The following FBXL5 variants were observed in gnomAD, a reference collection of about 807,000 sequenced individuals.
The protein encoded by FBXL5 is F-box/LRR-repeat protein 5.
Under a neutral mutation model 78.3 loss-of-function variants are expected in FBXL5, and 26 were observed. That is an observed-to-expected ratio of 0.33 (90% CI 0.24 to 0.46). The LOEUF is 0.46. FBXL5 is among the 20% of genes least tolerant of loss of function. The pLI, the probability that FBXL5 is intolerant of heterozygous loss-of-function variation, is 1.00. For missense variants in FBXL5, 710 were observed against 829.2 expected, an observed-to-expected ratio of 0.86 and a Z score of 1.77; for synonymous variants, 295 against 282.5, an observed-to-expected ratio of 1.04 and a Z score of -0.45.
intron 10 of FBXL5, among the ~76,000 whole-genome samples, chr4:15,608,636 T>C (rs575779096): frequency 2.0e-5 from 3 of 151,776 alleles, no homozygotes; most frequent in Admixed American, 6.6e-5. Flanking sequence ...TTCACCAGAA[T>C]TGAGTTTCAG....
chr4:15,654,139 T>C (rs1221217762), intron 1 of FBXL5, among the ~76,000 whole-genome samples: 1 of 152,224 alleles, frequency 6.6e-6, no homozygotes. Flanking sequence ...CTGGCTGAGC[T>C]ATGAAACACC....
chr4:15,633,931 A>C (rs991528636), intron 5 of FBXL5, among the ~76,000 whole-genome samples: 6 of 152,026 alleles, frequency 3.9e-5, no homozygotes, highest in African/African-American at 1.4e-4. Flanking sequence ...ATTACATCTA[A>C]ATTAAGGCTT....
intron 1 of FBXL5, among the ~76,000 whole-genome samples, chr4:15,653,127 C>T (rs913655551): frequency 6.6e-6 from 1 of 152,056 alleles, no homozygotes; most frequent in Non-Finnish European, 1.5e-5. Flanking sequence ...CCTAAATCGC[C>T]TCAGTTTCAG....
At chr4:15,631,574 CA>C (rs1282354100) in intron 5 of FBXL5, among the ~76,000 whole-genome samples, 4 of 152,020 alleles carry the variant, frequency 2.6e-5, no homozygotes, top group African/African-American at 9.7e-5. Flanking sequence ...TCCTCTCCAG[CA>C]TCTGTTGTTT....
intron 1 of FBXL5, among the ~76,000 whole-genome samples, chr4:15,675,609 T>G (rs1717959677): frequency 6.7e-6 from 1 of 149,710 alleles, no homozygotes; most frequent in Admixed American, 6.7e-5. Flanking sequence ...GAGGCAGAGT[T>G]TTGCTCTTGC....
chr4:15,653,830 C>G (rs1036934961), intron 1 of FBXL5, among the ~76,000 whole-genome samples: 4 of 152,196 alleles, frequency 2.6e-5, no homozygotes, highest in African/African-American at 7.2e-5. Context: ...GCATACTGCA[C>G]TCAAATGGAG....
At position 15,625,976 on chromosome 4, in the gene FBXL5, A is replaced by G; in HGVS notation, c.1126T>C (p.Trp376Arg). ...TDISDSAFDS[W>R]SWLGCCQSLR... is the part of the protein sequence containing the mutation. ...CTCTGGCAGCAACCAAGCCAAGACC[A>G]ACTATAATTAAAAGACAAGACTATT... is the stretch of plus-strand genomic sequence containing the variant. Residue 376 changes from tryptophan to arginine, a missense_variant and splice_region_variant, in exon 9 of 11, where the codon TGG becomes CGG. Around this residue, in one of 4 missense-constraint regions of FBXL5, gnomAD observed 517 missense variants for 542.9 expected, o/e 0.95. Coordinates refer to ENST00000341285, the MANE Select transcript of FBXL5 (RefSeq NM_012161.4). The G allele has an allele frequency of 1.3e-6, 2 of 1,557,834 alleles. No homozygotes were observed. The highest frequency in any genetic ancestry group is 1.7e-6 in the Non-Finnish European group (2 of 1,158,258).
chr4:15,656,446 A>G, upstream of FBXL5: 1 of 372,186 alleles, frequency 2.7e-6, no homozygotes, highest in Non-Finnish European at 5.3e-6. Flanking sequence ...AGAACCAGAT[A>G]TGCTGTGTTC....
intron 1 of FBXL5, among the ~76,000 whole-genome samples, chr4:15,653,009 A>G (rs1716310419): frequency 1.3e-5 from 2 of 152,206 alleles, no homozygotes; most frequent in South Asian, 4.1e-4. Flanking sequence ...CCATTACAAA[A>G]TACTTATTTT....
intron 2 of FBXL5, among the ~76,000 whole-genome samples, chr4:15,641,318 G>A (rs1577465872): frequency 1.3e-5 from 2 of 152,076 alleles, no homozygotes; most frequent in South Asian, 2.1e-4. Flanking sequence ...TGAACTGTGC[G>A]GGTTCACTTA....
intron 1 of FBXL5, among the ~76,000 whole-genome samples, chr4:15,673,675 C>T (rs1577519628): frequency 6.6e-6 from 1 of 152,306 alleles, no homozygotes; most frequent in Middle Eastern, 3.4e-3. Context: ...CATTTCCTCA[C>T]ATGCATACAG....
chr4:15,675,988 A>T (rs2148824417), intron 1 of FBXL5, among the ~76,000 whole-genome samples: 1 of 152,318 alleles, frequency 6.6e-6, no homozygotes, highest in African/African-American at 2.4e-5. Context: ...AAATTTTAAA[A>T]GGAGTGAGAG....
chr4:15,647,758 T>C (rs1208695609), intron 1 of FBXL5, among the ~76,000 whole-genome samples: 2 of 152,182 alleles, frequency 1.3e-5, no homozygotes. Context: ...ATTGCCTAGG[T>C]GTAAATCCAT....
At chr4:15,630,601 T>C in intron 6 of FBXL5, 65 bp downstream of exon 6, 1 of 1,381,448 alleles carries the variant, frequency 7.2e-7, no homozygotes, top group Non-Finnish European at 9.5e-7. Context: ...TACCTAATAA[T>C]TATAAGTACT....
At chr4:15,648,128 A>T (rs1320479411) in intron 1 of FBXL5, among the ~76,000 whole-genome samples, 2 of 152,218 alleles carry the variant, frequency 1.3e-5, no homozygotes, top group South Asian at 2.1e-4. Flanking sequence ...AGTTGCTGAG[A>T]TTATAGGCAC....
intron 1 of FBXL5, among the ~76,000 whole-genome samples, chr4:15,652,781 T>C (rs993397704): frequency 2.0e-5 from 3 of 152,226 alleles, no homozygotes; most frequent in African/African-American, 7.2e-5. Flanking sequence ...TTCTTGATAA[T>C]AACTGGGCAT....
Position 15,628,029 on chromosome 4 carries a change from C to A in FBXL5, c.897G>T (p.Glu299Asp). 6.2e-7 allele frequency: 1 copy of A among 1,613,256 alleles called. No homozygotes were observed. The highest frequency in any genetic ancestry group is 8.5e-7 in the Non-Finnish European group (1 of 1,179,742). ...DEDADIDESE[E>D]SAEESIAISI... ...TGATAGCAATTGATTCCTCCGCAGA[C>A]TCTTCTGTAAAATGAATTCAAAAGT... is the stretch of plus-strand genomic sequence containing the variant. The change falls in exon 7 of 11, where the codon GAG becomes GAT. Residue 299 changes from glutamate (E) to aspartate (D), a missense_variant. This residue lies in a region of FBXL5 where 517 missense variants were observed against 542.9 expected (regional missense o/e 0.95). Coordinates refer to ENST00000341285, the MANE Select transcript of FBXL5 (RefSeq NM_012161.4).
At position 15,625,307 on chromosome 4, in the gene FBXL5, C is replaced by T. The variant is rs1339883801; in HGVS notation, c.1795G>A (p.Val599Ile). 6.2e-7 allele frequency: 1 copy of T among 1,614,034 alleles called. No homozygotes were observed. Among genetic ancestry groups the T allele is most frequent in the Non-Finnish European group, 8.5e-7 (1 of 1,179,930 alleles). ...SEKSDQETGR[V>I]LLFLSLSGCY... ...CCAGATAAACTGAGAAACAGAAGTA[C>T]ACGTCCAGTCTCTTGATCAGATTTT... The change falls in exon 9 of 11, where the codon GTA becomes ATA. Residue 599 changes from valine to isoleucine, a missense_variant. Coordinates refer to ENST00000341285, the MANE Select transcript of FBXL5 (RefSeq NM_012161.4).
upstream of FBXL5, among the ~76,000 whole-genome samples, chr4:15,664,720 G>A (rs1444936608): frequency 6.6e-6 from 1 of 151,632 alleles, no homozygotes; most frequent in Admixed American, 6.6e-5. Context: ...ACCACGCCCG[G>A]CTAACTTTTG....
Sources: allele counts gnomAD v4.1 joint callset (sites outside exome capture counted in the v4.1 genomes callset), GRCh38; gene constraint gnomAD v4.1.1; regional missense constraint gnomAD v4.1.1; transcripts MANE v1.5; gene names NCBI Gene and HGNC (gene_info 2026-07-23, HGNC 2026-07-21).